DOCK10: variants seen among roughly 807,000 people sequenced by gnomAD.
DOCK10 encodes the protein dedicator of cytokinesis 10.
In DOCK10, 145 loss-of-function variants were observed where a neutral mutation model predicts 280.1. The observed-to-expected ratio is 0.52, with a 90% CI of 0.45 to 0.59. DOCK10 has a LOEUF of 0.59. DOCK10 is among the 20% of genes least tolerant of loss of function. The pLI is 0.00. For synonymous variants in DOCK10, 915 were observed against 942.2 expected (o/e 0.97, Z 0.53); for missense variants, 2,368 against 2,651.7 (o/e 0.89, Z 2.35).
chr2:224,830,513 TATA>T (rs1351724811), intron 27 of DOCK10, 25 bp downstream of exon 27: 2 of 1,192,788 alleles, frequency 1.7e-6, no homozygotes, highest in Non-Finnish European at 2.2e-6. Context: ...GTAAAAATAT[TATA>T]ATATTATATT....
At chr2:224,950,886 T>C (rs1040797122) in intron 1 of DOCK10, among the ~76,000 whole-genome samples, 1 of 152,138 alleles carries the variant, frequency 6.6e-6, no homozygotes, top group Non-Finnish European at 1.5e-5. Context: ...ATTCAGGAAA[T>C]ACTGAGAAGG....
At chr2:224,937,970 A>G (rs1702783007) in intron 1 of DOCK10, among the ~76,000 whole-genome samples, 1 of 152,194 alleles carries the variant, frequency 6.6e-6, no homozygotes, top group South Asian at 2.1e-4. Context: ...AGAGGAAGAG[A>G]GAACATCTCT....
intron 1 of DOCK10, among the ~76,000 whole-genome samples, chr2:224,994,088 T>A (rs529025425): frequency 6.6e-6 from 1 of 152,342 alleles, no homozygotes; most frequent in East Asian, 1.9e-4. Flanking sequence ...TGACATATTA[T>A]ATCGCTTTGT....
chr2:224,919,004 G>A (rs182911729), intron 2 of DOCK10, among the ~76,000 whole-genome samples: 2 of 144,626 alleles, frequency 1.4e-5, no homozygotes, highest in African/African-American at 5.1e-5. Flanking sequence ...GTATGTGTAT[G>A]TGTGATGTAT....
intron 1 of DOCK10, among the ~76,000 whole-genome samples, chr2:224,981,946 C>T (rs1010854537): frequency 2.0e-5 from 3 of 152,150 alleles, no homozygotes; most frequent in Non-Finnish European, 4.4e-5. Flanking sequence ...AAGGTAATAA[C>T]AACATGCAAA....
chr2:224,928,694 G>GTTTT (rs1702166891), intron 2 of DOCK10, among the ~76,000 whole-genome samples: 1 of 152,184 alleles, frequency 6.6e-6, no homozygotes, highest in South Asian at 2.1e-4. Context: ...CCATTTGGAG[G>GTTTT]ATGTGACATT....
intron 1 of DOCK10, among the ~76,000 whole-genome samples, chr2:224,993,998 A>G (rs2126273908): frequency 6.6e-6 from 1 of 152,350 alleles, no homozygotes; most frequent in South Asian, 2.1e-4. Flanking sequence ...CAATATAGAG[A>G]TGAAGAGAGG....
chr2:224,955,447 G>A (rs1703982530), intron 1 of DOCK10, among the ~76,000 whole-genome samples: 1 of 152,160 alleles, frequency 6.6e-6, no homozygotes, highest in East Asian at 1.9e-4. Flanking sequence ...TGAGTGTGAA[G>A]GCAACCAGAT....
At chr2:224,924,260 G>T (rs1404494035) in intron 2 of DOCK10, among the ~76,000 whole-genome samples, 2 of 151,996 alleles carry the variant, frequency 1.3e-5, no homozygotes, top group Non-Finnish European at 2.9e-5. Flanking sequence ...GTGGTTTTTG[G>T]TATATTCACA....
intron 7 of DOCK10, among the ~76,000 whole-genome samples, chr2:224,877,503 C>CCTATTCTATTGGGAT (rs1698711824): frequency 1.0e-5 from 1 of 99,964 alleles, no homozygotes; most frequent in Admixed American, 1.3e-4. Context: ...GTTCCTATTC[C>CCTATTCTATTGGGAT]AAGTTGACAT....
chr2:224,766,671 C>T (rs1559350562), intron 55 of DOCK10, among the ~76,000 whole-genome samples: 1 of 152,182 alleles, frequency 6.6e-6, no homozygotes, highest in Non-Finnish European at 1.5e-5. Context: ...ATTGGATACC[C>T]ATCATCACAG....
chr2:224,852,602 A>T (rs1042514222), intron 17 of DOCK10, among the ~76,000 whole-genome samples, 160 bp from the exon 18 acceptor site: 1 of 152,222 alleles, frequency 6.6e-6, no homozygotes, highest in Non-Finnish European at 1.5e-5. Flanking sequence ...TAACAGAAGG[A>T]TCTGGAGAGT....
chr2:224,958,047 T>A (rs7421379), intron 1 of DOCK10, among the ~76,000 whole-genome samples: 318 of 152,032 alleles, frequency 2.1e-3, no homozygotes, highest in African/African-American at 7.3e-3. Context: ...TACCTCTGGG[T>A]GACTTCCCTA....
intron 39 of DOCK10, 98 bp downstream of exon 39, chr2:224,804,014 G>T (rs575115316): frequency 2.0e-5 from 13 of 634,154 alleles, no homozygotes; most frequent in Admixed American, 1.2e-4. Flanking sequence ...GTGTGTGTGT[G>T]TGTGTGTGTG....
rs1242226262 is a variant in DOCK10, at chr2:224,800,148, C to T, written c.4506+3G>A. Reference sequence around the variant, plus strand: ...TTGCAGAAAATGTTATCATCATATTCACCTGATGAGTCTGTGTGAAGAGGG... The same window carrying T: ...TTGCAGAAAATGTTATCATCATATTTACCTGATGAGTCTGTGTGAAGAGGG... On this transcript the variant is annotated splice_donor_region_variant and intron_variant, in intron 41 of 55. Transcript: ENST00000258390. 3 of 1,545,036 alleles carry T rather than the reference C, an allele frequency of 1.9e-6. No individual in the cohort carries two copies. The highest frequency in any genetic ancestry group is 2.7e-6 in the Non-Finnish European group (3 of 1,124,098).
chr2:225,014,084 GTTT>G (rs1174953662), intron 1 of DOCK10, among the ~76,000 whole-genome samples: 1 of 104,448 alleles, frequency 9.6e-6, no homozygotes, highest in Admixed American at 9.4e-5. Context: ...TGAATATATT[GTTT>G]TTTTTTTTTT....
chr2:224,780,941 ACTTT>A (rs940720902), intron 50 of DOCK10, among the ~76,000 whole-genome samples: 4 of 151,594 alleles, frequency 2.6e-5, no homozygotes, highest in African/African-American at 9.7e-5. Flanking sequence ...ATAACCTGTG[ACTTT>A]CTTTCATCCC....
chr2:224,851,417 C>T (rs960294447), intron 18 of DOCK10, among the ~76,000 whole-genome samples: 1 of 148,288 alleles, frequency 6.7e-6, no homozygotes, highest in Non-Finnish European at 1.5e-5. Flanking sequence ...AGTTGGGTGC[C>T]AGTGGATGCT....
intron 18 of DOCK10, among the ~76,000 whole-genome samples, 152 bp from the exon 19 acceptor site, chr2:224,849,751 C>T (rs1246046944): frequency 6.6e-6 from 1 of 152,208 alleles, no homozygotes; most frequent in Non-Finnish European, 1.5e-5. Context: ...TAACCTTGAA[C>T]TTCTTTGGCC....
Sources: gnomAD v4.1 joint callset for allele counts (sites outside exome capture counted in the v4.1 genomes callset) on GRCh38, gnomAD v4.1.1 for gene constraint, MANE v1.5 for transcripts, NCBI Gene and HGNC (gene_info 2026-07-23, HGNC 2026-07-21) for gene names.